PHF20: variants seen among roughly 807,000 people sequenced by gnomAD.
The protein encoded by PHF20 is PHD finger protein 20.
Under a neutral mutation model 113.5 loss-of-function variants are expected in PHF20, and 23 were observed. That is an observed-to-expected ratio of 0.20 (90% confidence interval 0.15 to 0.29). The LOEUF (loss-of-function observed/expected upper bound fraction) is 0.29, where lower values mean the gene tolerates loss of function less well. PHF20 is among the 10% of genes least tolerant of loss of function. PHF20 has a pLI of 1.00. For synonymous variants in PHF20, 434 were observed against 457.3 expected (o/e 0.95, Z 0.65); for missense variants, 943 against 1,219.6 (o/e 0.77, Z 3.38).
intron 2 of PHF20, among the ~76,000 whole-genome samples, chr20:35,838,922 A>G (rs1238410121): frequency 9.3e-5 from 14 of 151,008 alleles, no homozygotes. Flanking sequence ...TGAGGTCAGG[A>G]GTTCAAAGCT....
intron 7 of PHF20, among the ~76,000 whole-genome samples, chr20:35,870,556 T>C (rs2054402747): frequency 6.6e-6 from 1 of 152,050 alleles, no homozygotes; most frequent in Non-Finnish European, 1.5e-5. Context: ...TTGGCTCAAA[T>C]GTTTAAATAA....
At chr20:35,913,215 A>G in intron 10 of PHF20, 34 bp from the exon 11 acceptor site, 2 of 1,509,940 alleles carry the variant, frequency 1.3e-6, no homozygotes, top group Admixed American at 1.7e-5. Context: ...TGAAAACAAA[A>G]TGTTAAAATG....
chr20:35,784,886 A>G (rs1454749089), intron 1 of PHF20, among the ~76,000 whole-genome samples: 2 of 152,012 alleles, frequency 1.3e-5, no homozygotes, highest in Non-Finnish European at 2.9e-5. Flanking sequence ...CCCCGCCTCT[A>G]TAAAAAATAC....
At chr20:35,893,362 G>A (rs960521180) in intron 9 of PHF20, among the ~76,000 whole-genome samples, 4 of 151,042 alleles carry the variant, frequency 2.6e-5, no homozygotes, top group African/African-American at 9.8e-5. Flanking sequence ...CCAGGTCAAT[G>A]GTGTGATCTT....
rs200515202 is a variant in PHF20 at position 35,858,347 on chromosome 20, A to G, written c.386A>G (p.Lys129Arg). ...KFYDGVVQTV[K>R]HIHVKAFSKD... Reference sequence around the variant, plus strand: ...TATGATGGAGTAGTTCAGACTGTCAAACATATTCATGTCAAAGCTTTTTCC... The same window carrying G: ...TATGATGGAGTAGTTCAGACTGTCAGACATATTCATGTCAAAGCTTTTTCC... The change falls in exon 5 of 18, where the codon AAA becomes AGA. Residue 129 changes from lysine to arginine, a missense_variant. Lys to Arg is a conservative substitution (Grantham distance 26, BLOSUM62 2). Around this residue, in one of 3 missense-constraint regions of PHF20, gnomAD observed 592 missense variants for 787.2 expected, o/e 0.75. Coordinates refer to ENST00000374012, the MANE Select transcript of PHF20 (RefSeq NM_016436.5). The G allele has an allele frequency of 3.1e-6, 5 of 1,598,316 alleles. No individual in the cohort carries two copies. Among genetic ancestry groups the G allele is most frequent in the South Asian group, 2.2e-5 (2 of 89,474 alleles).
chr20:35,818,243 T>C (rs1487693308), intron 2 of PHF20, among the ~76,000 whole-genome samples: 1 of 151,826 alleles, frequency 6.6e-6, no homozygotes. Flanking sequence ...ACACTGCACT[T>C]CAGCCTGGGT....
intron 2 of PHF20, among the ~76,000 whole-genome samples, chr20:35,814,821 C>T (rs1395917870): frequency 2.1e-5 from 3 of 140,776 alleles, no homozygotes. Flanking sequence ...TGCAATGAGC[C>T]GAGATCCCGC....
In PHF20 at chr20:35,897,559, CTTTTTTT is replaced by C. The variant is rs150122625; in HGVS notation, c.1283-1794_1283-1788del. On this transcript the variant is annotated intron_variant, in intron 9 of 17. Transcript: ENST00000374012. Reference sequence around the variant, plus strand: ...AACTTATTCCTCCTATTCTGGATCCCTTTTTTTTTTTTTTTTTTTTTTTCTGAGACGG... The same window carrying C: ...AACTTATTCCTCCTATTCTGGATCCCTTTTTTTTTTTTTTTTCTGAGACGG... Among the ~76,000 whole-genome samples, 8 of 107,674 alleles carry C rather than the reference CTTTTTTT, an allele frequency of 7.4e-5. No homozygotes were observed. The East Asian group carries it at 1.3e-3, about 18-fold the overall frequency. 70.6% of individuals were successfully genotyped at this position (107,674 alleles called of 152,430 possible). A position where few individuals can be genotyped will look rare whatever the true frequency, so the allele number is the denominator to read the frequency against.
At chr20:35,934,664 A>G (rs1198714990) in intron 15 of PHF20, among the ~76,000 whole-genome samples, 5 of 142,382 alleles carry the variant, frequency 3.5e-5, no homozygotes, top group Non-Finnish European at 7.6e-5. Context: ...AAATAGTTTC[A>G]TGGACAGGCC....
intron 1 of PHF20, among the ~76,000 whole-genome samples, chr20:35,780,691 C>T (rs776088265): frequency 1.6e-4 from 24 of 149,860 alleles, no homozygotes; most frequent in Middle Eastern, 7.0e-3. Context: ...GGATTACAGG[C>T]GAACACCACC....
intron 17 of PHF20, among the ~76,000 whole-genome samples, chr20:35,945,539 C>T (rs544236529): frequency 9.9e-5 from 15 of 152,200 alleles, no homozygotes; most frequent in African/African-American, 2.4e-4. Context: ...GAGAGGATTG[C>T]GCAGTAGGTT....
chr20:35,874,242 C>T (rs1568687058), intron 9 of PHF20, among the ~76,000 whole-genome samples: 1 of 152,204 alleles, frequency 6.6e-6, no homozygotes, highest in Non-Finnish European at 1.5e-5. Flanking sequence ...TCCCAAAGTA[C>T]TGTGATTATA....
intron 2 of PHF20, among the ~76,000 whole-genome samples, chr20:35,837,027 C>T (rs2042454643): frequency 6.6e-6 from 1 of 151,068 alleles, no homozygotes; most frequent in Admixed American, 6.6e-5. Context: ...AAAAAAGTAT[C>T]TTAGCCGAGC....
intron 3 of PHF20, among the ~76,000 whole-genome samples, chr20:35,847,038 G>A (rs976532467): frequency 3.9e-5 from 6 of 152,116 alleles, no homozygotes; most frequent in Admixed American, 6.6e-5. Flanking sequence ...CCAGGAGAGC[G>A]AGAAGTCACT....
intron 10 of PHF20, among the ~76,000 whole-genome samples, chr20:35,912,166 G>T (rs754093764): frequency 4.0e-5 from 6 of 151,548 alleles, no homozygotes; most frequent in Non-Finnish European, 8.8e-5. Context: ...TTTTTAGAGA[G>T]ACGGGGTTTC....
chr20:35,942,997 A>G (rs953605793), intron 17 of PHF20, among the ~76,000 whole-genome samples: 11 of 151,988 alleles, frequency 7.2e-5, no homozygotes, highest in African/African-American at 2.7e-4. Context: ...CTAATTTTTT[A>G]TATTTTTAGT....
At chr20:35,910,436 A>G (rs1302559175) in intron 10 of PHF20, among the ~76,000 whole-genome samples, 1 of 152,134 alleles carries the variant, frequency 6.6e-6, no homozygotes, top group African/African-American at 2.4e-5. Context: ...AACTACACAT[A>G]TTTAAATGGT....
intron 2 of PHF20, among the ~76,000 whole-genome samples, chr20:35,806,031 AT>A (rs1287354679): frequency 2.6e-5 from 4 of 151,540 alleles, no homozygotes; most frequent in Non-Finnish European, 4.4e-5. Flanking sequence ...CACCCAGCTA[AT>A]TTTTGTATTT....
intron 2 of PHF20, among the ~76,000 whole-genome samples, chr20:35,830,640 C>T (rs2042342684): frequency 6.6e-6 from 1 of 152,008 alleles, no homozygotes; most frequent in Non-Finnish European, 1.5e-5. Flanking sequence ...AGTGGAATTG[C>T]TGCAGTGCTT....
Sources: allele counts gnomAD v4.1 joint callset (sites outside exome capture counted in the v4.1 genomes callset), GRCh38; gene constraint gnomAD v4.1.1; regional missense constraint gnomAD v4.1.1; transcripts MANE v1.5; gene names NCBI Gene and HGNC (gene_info 2026-07-23, HGNC 2026-07-21).